WNT7A: variants seen among roughly 807,000 people sequenced by gnomAD.
The protein encoded by WNT7A is protein Wnt-7a.
Under a neutral mutation model 28.2 loss-of-function variants are expected in WNT7A, and 16 were observed. The observed-to-expected ratio is 0.57, with a 90% CI of 0.38 to 0.86. The LOEUF (loss-of-function observed/expected upper bound fraction) is 0.86, where lower values mean the gene tolerates loss of function less well. Ranked by LOEUF, WNT7A falls within the 40% of genes least tolerant of loss-of-function variation. The probability of loss-of-function intolerance (pLI) is 0.00; values close to 1 mark genes in which losing one functional copy is unlikely to be tolerated. For synonymous variants in WNT7A, 190 were observed against 195.9 expected, an observed-to-expected ratio of 0.97 and a Z score of 0.25; for missense variants, 411 against 489.7, an observed-to-expected ratio of 0.84 and a Z score of 1.52.
intron 3 of WNT7A, among the ~76,000 whole-genome samples, chr3:13,852,994 C>T (rs914858914): frequency 6.6e-6 from 1 of 152,142 alleles, no homozygotes; most frequent in African/African-American, 2.4e-5. Flanking sequence ...GAGGGCTGTT[C>T]CTGCTCAAAA....
chr3:13,839,772 G>A (rs1694427349), intron 3 of WNT7A, among the ~76,000 whole-genome samples: 1 of 152,180 alleles, frequency 6.6e-6, no homozygotes, highest in African/African-American at 2.4e-5. Context: ...TAGAAATGGT[G>A]AGCAAGTAAA....
chr3:13,821,626 T>TA (rs892085730), intron 3 of WNT7A, among the ~76,000 whole-genome samples: 3 of 152,210 alleles, frequency 2.0e-5, no homozygotes, highest in African/African-American at 7.2e-5. Flanking sequence ...TGACAGGGAC[T>TA]AACTCAGAAA....
At chr3:13,874,249 C>T (rs1007192457) in intron 2 of WNT7A, among the ~76,000 whole-genome samples, 5 of 152,210 alleles carry the variant, frequency 3.3e-5, no homozygotes, top group South Asian at 4.1e-4. Flanking sequence ...ACACACAGCA[C>T]GGCCTCCTGC....
chr3:13,855,550 AG>A (rs1559302709), intron 2 of WNT7A, among the ~76,000 whole-genome samples: 1 of 152,184 alleles, frequency 6.6e-6, no homozygotes, highest in Non-Finnish European at 1.5e-5. Context: ...CTCCAGTGGT[AG>A]GGCAGGGTCC....
chr3:13,822,910 C>T (rs1694135845), intron 3 of WNT7A, among the ~76,000 whole-genome samples: 1 of 152,194 alleles, frequency 6.6e-6, no homozygotes, highest in Non-Finnish European at 1.5e-5. Flanking sequence ...GTCACTGCTC[C>T]TTCTGCCCCT....
intron 3 of WNT7A, among the ~76,000 whole-genome samples, chr3:13,825,681 G>A (rs1273475531): frequency 6.6e-6 from 1 of 152,184 alleles, no homozygotes; most frequent in African/African-American, 2.4e-5. Context: ...ATCCTTCAGG[G>A]TGTGGGGCCC....
rs751362548 is a variant in WNT7A at position 13,874,977 on chromosome 3, G to A, written c.268C>T (p.Arg90Cys). 1.1e-5 allele frequency: 18 copies of A among 1,614,036 alleles called. No homozygotes were observed. The highest frequency in any genetic ancestry group is 2.2e-5 in the East Asian group (1 of 44,892). ...GRWNCSALGE[R>C]TVFGKELKVG... is the part of the protein sequence containing the mutation. ...TTGAGCTCCTTCCCGAAGACGGTGC[G>A]CTCTCCCAGTGCAGAGCAGTTCCAG... The change falls in exon 2 of 4, where the codon CGC becomes TGC. Residue 90 changes from arginine to cysteine, a missense_variant. By Grantham distance (180) the Arg-to-Cys change is radical. Coordinates refer to ENST00000285018, the MANE Select transcript of WNT7A (RefSeq NM_004625.4).
chr3:13,846,220 C>A (rs140898708), intron 3 of WNT7A, among the ~76,000 whole-genome samples: 3 of 152,258 alleles, frequency 2.0e-5, no homozygotes, highest in African/African-American at 4.8e-5. Context: ...CATAGTGGGG[C>A]CTTCTAGGGG....
intron 3 of WNT7A, among the ~76,000 whole-genome samples, chr3:13,829,997 C>T (rs1352688625): frequency 6.6e-6 from 1 of 152,172 alleles, no homozygotes; most frequent in African/African-American, 2.4e-5. Context: ...TGTGCTGCTG[C>T]TGCCTGGCAT....
chr3:13,876,242 TC>T (rs1231550182), intron 1 of WNT7A, among the ~76,000 whole-genome samples: 1 of 152,164 alleles, frequency 6.6e-6, no homozygotes, highest in Non-Finnish European at 1.5e-5. Context: ...GGAGACAAGT[TC>T]GGGGTCTTCA....
chr3:13,820,676 G>A (rs1048044185), intron 3 of WNT7A, among the ~76,000 whole-genome samples: 1 of 152,172 alleles, frequency 6.6e-6, no homozygotes, highest in Non-Finnish European at 1.5e-5. Context: ...CGTTCAAGAT[G>A]CTGGGGATAC....
chr3:13,822,472 G>A (rs1238673195), intron 3 of WNT7A, among the ~76,000 whole-genome samples: 1 of 152,220 alleles, frequency 6.6e-6, no homozygotes, highest in Non-Finnish European at 1.5e-5. Flanking sequence ...GATGCAAAAG[G>A]CCACATATCG....
At chr3:13,869,399 GAA>G (rs1694992800) in intron 2 of WNT7A, among the ~76,000 whole-genome samples, 1 of 142,332 alleles carries the variant, frequency 7.0e-6, no homozygotes, top group African/African-American at 2.6e-5. Flanking sequence ...AAGAAAGAGA[GAA>G]AGAGAAAGGA....
intron 3 of WNT7A, among the ~76,000 whole-genome samples, chr3:13,848,042 GA>G (rs1451502530): frequency 6.7e-6 from 1 of 149,876 alleles, no homozygotes; most frequent in East Asian, 2.0e-4. Context: ...AATTTTCATT[GA>G]TTTTTTTAAA....
rs544276259 is a variant in WNT7A at position 13,838,026 on chromosome 3, C to T, written c.570+16506G>A. 3.6e-4 allele frequency among the ~76,000 whole-genome samples: 55 copies of T among 152,352 alleles called. 1 individual carries two copies. In the South Asian group the frequency reaches 0.01, roughly 28 times the overall value. On this transcript the variant is annotated intron_variant, in intron 3 of 3. Coordinates refer to ENST00000285018, the MANE Select transcript of WNT7A (RefSeq NM_004625.4). ...TGTGCAAAGACACCTCTGAGATATT[C>T]TGTTCCTGCCTTTGGTGGTGTAGAG... is the stretch of plus-strand genomic sequence containing the variant.
intron 1 of WNT7A, among the ~76,000 whole-genome samples, chr3:13,878,537 GC>G (rs1695148645): frequency 6.6e-6 from 1 of 152,322 alleles, no homozygotes; most frequent in South Asian, 2.1e-4. Context: ...CGGGCTGGCG[GC>G]CCCTGGTCGG....
At position 13,818,769 on chromosome 3, in the gene WNT7A, T is replaced by A; in HGVS notation, c.*175A>T. 3.0e-6 allele frequency: 3 copies of A among 994,488 alleles called. No individual in the cohort carries two copies. Among genetic ancestry groups the A allele is most frequent in the Non-Finnish European group, 4.3e-6 (3 of 702,862 alleles). 61.6% of individuals were successfully genotyped at this position (994,488 alleles called of 1,614,324 possible). A position where few individuals can be genotyped will look rare whatever the true frequency, so the allele number is the denominator to read the frequency against. ...AGCATTGGGTGTGGAACAGAATAGT[T>A]GAGGGCTCTGAGAGATTTTTTTTCC... On this transcript the variant is annotated 3_prime_UTR_variant, in exon 4 of 4. Transcript: ENST00000285018.
At chr3:13,851,143 T>G (rs1336790832) in intron 3 of WNT7A, among the ~76,000 whole-genome samples, 1 of 152,186 alleles carries the variant, frequency 6.6e-6, no homozygotes, top group Non-Finnish European at 1.5e-5. Context: ...CCTGCTGGGT[T>G]TAGGCACCAA....
intron 3 of WNT7A, among the ~76,000 whole-genome samples, chr3:13,851,366 C>A (rs929702079): frequency 6.6e-6 from 1 of 152,238 alleles, no homozygotes; most frequent in Admixed American, 6.5e-5. Context: ...ACGGAGCCCC[C>A]ACAGCATGCT....
Sources: gnomAD v4.1 joint callset for allele counts (sites outside exome capture counted in the v4.1 genomes callset) on GRCh38, gnomAD v4.1.1 for gene constraint, MANE v1.5 for transcripts, NCBI Gene and HGNC (gene_info 2026-07-23, HGNC 2026-07-21) for gene names.